The following PLPPR4 variants were observed in gnomAD, a reference collection of about 807,000 sequenced individuals.
PLPPR4 encodes the protein phospholipid phosphatase-related protein type 4.
PLPPR4 carries 24 observed loss-of-function variants against 56.6 expected under a neutral mutation model. That is an observed-to-expected ratio of 0.42 (90% CI 0.31 to 0.60). PLPPR4 has a LOEUF of 0.60. Ranked by LOEUF, PLPPR4 falls within the 20% of genes least tolerant of loss-of-function variation. The pLI, the probability that PLPPR4 is intolerant of heterozygous loss-of-function variation, is 0.13. For missense variants in PLPPR4, 654 were observed against 885.8 expected (o/e 0.74, Z 3.32); for synonymous variants, 326 against 328.1 (o/e 0.99, Z 0.07).
At chr1:99,278,116 T>C (rs1356304056) in intron 1 of PLPPR4, among the ~76,000 whole-genome samples, 2 of 152,124 alleles carry the variant, frequency 1.3e-5, no homozygotes, top group African/African-American at 4.8e-5. Flanking sequence ...TTTCTCAATG[T>C]CTTTGGAAAC....
chr1:99,287,931 G>A (rs750014657), intron 1 of PLPPR4, 34 bp from the exon 2 acceptor site: 17 of 1,567,420 alleles, frequency 1.1e-5, no homozygotes, highest in African/African-American at 1.4e-5. Context: ...ATATCAGGTA[G>A]AATAAATTGA....
chr1:99,270,954 T>G (rs951526308), intron 1 of PLPPR4, among the ~76,000 whole-genome samples: 7 of 152,212 alleles, frequency 4.6e-5, no homozygotes, highest in Admixed American at 4.6e-4. Flanking sequence ...TAGAGTTAAA[T>G]GAGGACATTT....
Position 99,288,032 on chromosome 1 carries a change from T to C in PLPPR4, c.146T>C (p.Val49Ala). ...FLELTDVFKP[V>A]HSGFSCYDRS... ...GAACTCACAGATGTCTTCAAACCTG[T>C]GCACTCTGGATTTAGCTGCTATGAC... Residue 49 changes from valine to alanine, a missense_variant, in exon 2 of 7, where the codon GTG becomes GCG. Physicochemically the swap from Val to Ala is moderately conservative, Grantham distance 64. Coordinates refer to ENST00000370185, the MANE Select transcript of PLPPR4 (RefSeq NM_014839.5). The C allele has an allele frequency of 6.2e-7, 1 of 1,613,982 alleles. No individual in the cohort carries two copies. Among genetic ancestry groups the C allele is most frequent in the Non-Finnish European group, 8.5e-7 (1 of 1,179,894 alleles).
At chr1:99,294,434 GCCT>G in intron 2 of PLPPR4, among the ~76,000 whole-genome samples, 1 of 122,834 alleles carries the variant, frequency 8.1e-6, no homozygotes, top group Non-Finnish European at 1.8e-5. Flanking sequence ...GATGGCTCAT[GCCT>G]GTAATCCCAG....
intron 3 of PLPPR4, among the ~76,000 whole-genome samples, chr1:99,298,450 C>T (rs184219336): frequency 4.2e-4 from 64 of 152,242 alleles, no homozygotes; most frequent in African/African-American, 1.1e-3. Context: ...GTAAGAACAT[C>T]GTGTCCAAAT....
At chr1:99,270,246 G>A (rs1196254138) in intron 1 of PLPPR4, among the ~76,000 whole-genome samples, 3 of 151,970 alleles carry the variant, frequency 2.0e-5, no homozygotes, top group African/African-American at 2.4e-5. Flanking sequence ...AGCTGGTCTC[G>A]AACTCCTGGG....
intron 1 of PLPPR4, among the ~76,000 whole-genome samples, chr1:99,270,056 G>C (rs932949715): frequency 7.3e-6 from 1 of 136,854 alleles, no homozygotes; most frequent in Non-Finnish European, 1.5e-5. Context: ...GCAGGGTCTT[G>C]CTCTGTCACC....
At chr1:99,298,936 C>T in intron 3 of PLPPR4, 99 bp from the exon 4 acceptor site, 1 of 860,028 alleles carries the variant, frequency 1.2e-6, no homozygotes, top group Non-Finnish European at 2.0e-6. Flanking sequence ...AAAATGAACA[C>T]AATAGATTTT....
At chr1:99,266,921 G>A (rs1557771451) in intron 1 of PLPPR4, among the ~76,000 whole-genome samples, 1 of 152,186 alleles carries the variant, frequency 6.6e-6, no homozygotes, top group East Asian at 1.9e-4. Context: ...TCCTTCGTAG[G>A]ATGAATAAAC....
In PLPPR4 at chr1:99,264,542, C is replaced by A; in HGVS notation, c.-52C>A. 1 of 1,551,626 alleles carries A rather than the reference C, an allele frequency of 6.4e-7. No individual in the cohort carries two copies. The highest frequency in any genetic ancestry group is 8.7e-7 in the Non-Finnish European group (1 of 1,147,642). The stretch of plus-strand genomic sequence containing the variant: ...TGGAGGAGGCAGCTCGCCTCAGCTG[C>A]GCTGTGCACACCTCGCCCGGGGGAG... On this transcript the variant is annotated 5_prime_UTR_variant, in exon 1 of 7. Coordinates refer to ENST00000370185, the MANE Select transcript of PLPPR4 (RefSeq NM_014839.5).
intron 2 of PLPPR4, among the ~76,000 whole-genome samples, chr1:99,291,647 A>C (rs1659622886): frequency 6.6e-6 from 1 of 152,190 alleles, no homozygotes; most frequent in African/African-American, 2.4e-5. Flanking sequence ...GCTGGAGGCC[A>C]TTATCTTTAG....
intron 1 of PLPPR4, among the ~76,000 whole-genome samples, chr1:99,275,295 A>G (rs1659156677): frequency 6.6e-6 from 1 of 152,144 alleles, no homozygotes; most frequent in Non-Finnish European, 1.5e-5. Context: ...CTTCCAGTTG[A>G]ATTTTATGTA....
chr1:99,272,293 C>T (rs1557773335), intron 1 of PLPPR4, among the ~76,000 whole-genome samples: 1 of 151,882 alleles, frequency 6.6e-6, no homozygotes, highest in Non-Finnish European at 1.5e-5. Flanking sequence ...CTGAGTTAAC[C>T]TTTGGACACA....
intron 1 of PLPPR4, among the ~76,000 whole-genome samples, chr1:99,272,301 A>C (rs545299772): frequency 1.1e-4 from 16 of 152,042 alleles, no homozygotes; most frequent in Non-Finnish European, 1.8e-4. Flanking sequence ...ACCTTTGGAC[A>C]CATCAAGTAT....
At chr1:99,288,262 C>A in intron 2 of PLPPR4, 112 bp downstream of exon 2, 1 of 874,440 alleles carries the variant, frequency 1.1e-6, no homozygotes, top group Non-Finnish European at 1.7e-6. Context: ...AATCCTAAAT[C>A]AAAGTCATGT....
intron 6 of PLPPR4, among the ~76,000 whole-genome samples, chr1:99,302,393 C>A (rs566970739): frequency 6.6e-6 from 1 of 152,062 alleles, no homozygotes; most frequent in African/African-American, 2.4e-5. Flanking sequence ...TGAGATTGTC[C>A]ATTTCATTTT....
rs1366767162 is a variant in PLPPR4, at chr1:99,307,777, G to A, written c.*767G>A. 6.6e-6 allele frequency: 1 copy of A among 152,038 alleles called. No individual in the cohort carries two copies. Among genetic ancestry groups the A allele is most frequent in the Admixed American group, 6.6e-5 (1 of 15,262 alleles). The allele number at this position is 152,038 out of a possible 1,614,324, so 9.4% of individuals were successfully genotyped here. On this transcript the variant is annotated 3_prime_UTR_variant, in exon 7 of 7. Coordinates refer to ENST00000370185, the MANE Select transcript of PLPPR4 (RefSeq NM_014839.5). ...TCTGCTTACTTTTTATTTAAGTATA[G>A]GTACTGCTAATGAATCTGTTTTCTT...
At chr1:99,283,942 ACT>A (rs1414613747) in intron 1 of PLPPR4, among the ~76,000 whole-genome samples, 2 of 151,982 alleles carry the variant, frequency 1.3e-5, no homozygotes, top group African/African-American at 2.4e-5. Context: ...ACAGAGCGAG[ACT>A]CTGTCTCAGA....
chr1:99,306,983 C>A lies in PLPPR4; in HGVS notation c.2121C>A (p.Thr707=), dbSNP rs776929281. 6.2e-7 allele frequency: 1 copy of A among 1,606,188 alleles called. No individual in the cohort carries two copies. The highest frequency in any genetic ancestry group is 1.7e-5 in the Admixed American group (1 of 59,844). The change falls in exon 7 of 7, where the codon ACC becomes ACA. Residue 707 remains threonine (T), a synonymous_variant. Transcript: ENST00000370185. The surrounding 1 kb of genome is among the most constrained non-coding windows in gnomAD (Gnocchi z 4.0). ...ENTRNIFYKG[T]SPTRAYKD Reference sequence around the variant, plus strand: ...CTAGAAATATCTTCTACAAAGGAACCTCCCCCACACGGGCTTATAAGGATT... The same window carrying A: ...CTAGAAATATCTTCTACAAAGGAACATCCCCCACACGGGCTTATAAGGATT...
Sources: allele counts gnomAD v4.1 joint callset (sites outside exome capture counted in the v4.1 genomes callset), GRCh38; gene constraint gnomAD v4.1.1; non-coding constraint Gnocchi (gnomAD v3.1); transcripts MANE v1.5; gene names NCBI Gene and HGNC (gene_info 2026-07-23, HGNC 2026-07-21).